The following PANX2 variants were observed in gnomAD, a reference collection of about 807,000 sequenced individuals.
PANX2 encodes pannexin-2.
A neutral mutation model predicts 38.7 loss-of-function variants in PANX2; 30 were observed. The ratio of observed to expected loss-of-function variants is 0.78; its 90% CI spans 0.58 to 1.05. The LOEUF is 1.05. Among genes scored for constraint, PANX2 ranks in the 50% least tolerant of loss-of-function variants. The pLI is 0.00. For synonymous variants in PANX2, 539 were observed against 472.1 expected, an observed-to-expected ratio of 1.14 and a Z score of -1.84; for missense variants, 880 against 979.3, an observed-to-expected ratio of 0.90 and a Z score of 1.35.
chr22:50,170,947 A>C lies in PANX2; in HGVS notation c.217A>C (p.Asn73His). Reference sequence around the variant, plus strand: ...GCTGGTCACCCTGGTCTTCACCAAGAACTTCGCAGGTGAGGCCGGCGGCCG... The same window carrying C: ...GCTGGTCACCCTGGTCTTCACCAAGCACTTCGCAGGTGAGGCCGGCGGCCG... ...ILLVTLVFTK[N>H]FAEEPIYCYT... The change falls in exon 1 of 3, where the codon AAC becomes CAC. Residue 73 changes from asparagine (N) to histidine (H), a missense_variant. This residue lies in a region of PANX2 where 243 missense variants were observed against 333.1 expected (regional missense o/e 0.73). Coordinates refer to ENST00000395842, the MANE Select transcript of PANX2 (RefSeq NM_052839.4). 1.3e-6 allele frequency: 2 copies of C among 1,506,952 alleles called. No homozygotes were observed. Among genetic ancestry groups the C allele is most frequent in the Non-Finnish European group, 1.8e-6 (2 of 1,125,028 alleles). 93.3% of individuals were successfully genotyped at this position (1,506,952 alleles called of 1,614,324 possible). A position where few individuals can be genotyped will look rare whatever the true frequency, so the allele number is the denominator to read the frequency against.
chr22:50,172,516 G>A (rs184396327), intron 1 of PANX2, among the ~76,000 whole-genome samples: 6 of 146,560 alleles, frequency 4.1e-5, no homozygotes, highest in East Asian at 4.2e-4. Flanking sequence ...TCCACCTCTC[G>A]GGCTCAGGTG....
At chr22:50,172,253 A>C (rs1054338382) in intron 1 of PANX2, among the ~76,000 whole-genome samples, 1 of 152,226 alleles carries the variant, frequency 6.6e-6, no homozygotes, top group East Asian at 1.9e-4. Flanking sequence ...TCCGGAGGCC[A>C]AAAGTCCAAA....
intron 1 of PANX2, among the ~76,000 whole-genome samples, chr22:50,173,166 G>A (rs534997252): frequency 1.2e-4 from 18 of 152,066 alleles, no homozygotes; most frequent in African/African-American, 4.4e-4. Flanking sequence ...AAAGTGCTGG[G>A]ATTACAGGCG....
chr22:50,170,815 G>A lies in PANX2; in HGVS notation c.85G>A (p.Ala29Thr). ...EKLRELILPG[A>T]QDDKAGALAA... ...GCTGCGGGAGCTGATCCTGCCGGGC[G>A]CGCAGGACGACAAGGCGGGCGCGCT... The change falls in exon 1 of 3, where the codon GCG becomes ACG. Residue 29 changes from alanine to threonine, a missense_variant. By Grantham distance (58) the Ala-to-Thr change is moderately conservative (BLOSUM62 0). This residue lies in a region of PANX2 where 243 missense variants were observed against 333.1 expected (regional missense o/e 0.73). Coordinates refer to ENST00000395842, the MANE Select transcript of PANX2 (RefSeq NM_052839.4). The A allele has an allele frequency of 2.7e-6, 4 of 1,473,046 alleles. No homozygotes were observed. The highest frequency in any genetic ancestry group is 1.3e-5 in the South Asian group (1 of 76,108). The allele number at this position is 1,473,046 out of a possible 1,614,324, so 91.2% of individuals were successfully genotyped here. A position where few individuals can be genotyped will look rare whatever the true frequency, so the allele number is the denominator to read the frequency against.
At chr22:50,176,444 T>C (rs114334367) in intron 1 of PANX2, among the ~76,000 whole-genome samples, 2,060 of 152,290 alleles carry the variant, frequency 0.014, 39 homozygotes, top group African/African-American at 0.047. Flanking sequence ...CCACCCTGCC[T>C]TCCCGGTGCT....
At chr22:50,173,148 G>T (rs577514983) in intron 1 of PANX2, among the ~76,000 whole-genome samples, 1 of 150,794 alleles carries the variant, frequency 6.6e-6, no homozygotes. Flanking sequence ...CGCCCACCTT[G>T]GCCTCCCAAA....
chr22:50,179,278 G>T lies in PANX2; in HGVS notation c.*1G>T. ...GGTCGTGAGTACTGTGGAGTTTTGA[G>T]GGATGGCACCGTCCAGGCCGCCGAG... On this transcript the variant is annotated 3_prime_UTR_variant, in exon 3 of 3. Coordinates refer to ENST00000395842, the MANE Select transcript of PANX2 (RefSeq NM_052839.4). The T allele has an allele frequency of 6.2e-7, 1 of 1,611,170 alleles. No homozygotes were observed.
At chr22:50,171,032 G>C in intron 1 of PANX2, 76 bp downstream of exon 1, 8 of 744,950 alleles carry the variant, frequency 1.1e-5, no homozygotes, top group Non-Finnish European at 1.6e-5. Flanking sequence ...CGCTTCCCGC[G>C]TCCCCGGCGG....
In PANX2 at chr22:50,177,122, T is replaced by C. The variant is rs984788807; in HGVS notation, c.410T>C (p.Val137Ala). Residue 137 changes from valine (V) to alanine (A), a missense_variant, in exon 2 of 3, where the codon GTG becomes GCG. By Grantham distance (64) the Val-to-Ala change is moderately conservative. Transcript: ENST00000395842. ...ALLAFAAIMY[V>A]PALGWEFLAS... ...CTGGCCTTCGCCGCCATCATGTACG[T>C]GCCCGCGCTGGGCTGGGAGTTCCTG... 1 of 1,609,152 alleles carries C rather than the reference T, an allele frequency of 6.2e-7. No individual in the cohort carries two copies. The highest frequency in any genetic ancestry group is 1.3e-5 in the African/African-American group (1 of 74,882).
intron 1 of PANX2, chr22:50,175,381 A>C: frequency 4.9e-5 from 48 of 988,608 alleles, no homozygotes; most frequent in Non-Finnish European, 6.3e-5. Flanking sequence ...GCTGCCAGGG[A>C]TGGGCCCAGC....
rs1426108802 is a variant in PANX2, at chr22:50,178,168, G to A, written c.1456G>A (p.Gly486Ser). Residue 486 changes from glycine (G) to serine (S), a missense_variant, in exon 2 of 3, where the codon GGC (glycine) becomes AGC (serine). Gly to Ser is a moderately conservative substitution (Grantham distance 56). Coordinates refer to ENST00000395842, the MANE Select transcript of PANX2 (RefSeq NM_052839.4). The stretch of plus-strand genomic sequence containing the variant: ...GGACCGCTCCGCCCACCACTACAAG[G>A]GCGGAGGGGGCGACCCGGGCCCCGG... The part of the protein sequence containing the change: ...LLDRSAHHYK[G>S]GGGDPGPGPA... 2.7e-6 allele frequency: 4 copies of A among 1,497,396 alleles called. No individual in the cohort carries two copies. The highest frequency in any genetic ancestry group is 3.5e-6 in the Non-Finnish European group (4 of 1,133,574). 92.8% of individuals were successfully genotyped at this position (1,497,396 alleles called of 1,614,324 possible).
In PANX2 at chr22:50,177,964, G is replaced by A. The variant is rs2063672600; in HGVS notation, c.1252G>A (p.Ala418Thr). 2 of 1,533,514 alleles carry A rather than the reference G, an allele frequency of 1.3e-6. No homozygotes were observed. The highest frequency in any genetic ancestry group is 1.4e-5 in the African/African-American group (1 of 72,506). The allele number at this position is 1,533,514 out of a possible 1,614,324, so 95.0% of individuals were successfully genotyped here. ...SANPAEPDGA[A>T]EPPVVKRPRK... ...CAACCCCGCCGAGCCCGACGGCGCC[G>A]CCGAGCCGCCCGTGGTCAAGCGGCC... Residue 418 changes from alanine (A) to threonine (T), a missense_variant, in exon 2 of 3, where the codon GCC (alanine) becomes ACC (threonine). Ala to Thr is a moderately conservative substitution (Grantham distance 58, BLOSUM62 0). Around this residue, in one of 4 missense-constraint regions of PANX2, gnomAD observed 445 missense variants for 404.3 expected, o/e 1.10. Coordinates refer to ENST00000395842, the MANE Select transcript of PANX2 (RefSeq NM_052839.4).
intron 1 of PANX2, among the ~76,000 whole-genome samples, chr22:50,175,145 G>A (rs897862849): frequency 1.3e-5 from 2 of 152,212 alleles, no homozygotes; most frequent in African/African-American, 4.8e-5. Context: ...TGACAGGCAT[G>A]AGGAGTTCGG....
intron 1 of PANX2, among the ~76,000 whole-genome samples, chr22:50,171,685 T>C (rs2063632946): frequency 6.6e-6 from 1 of 152,146 alleles, no homozygotes; most frequent in Non-Finnish European, 1.5e-5. Context: ...TGTGAGCCTC[T>C]GCGGGGTGGG....
intron 1 of PANX2, among the ~76,000 whole-genome samples, chr22:50,173,225 G>C (rs2063644094): frequency 6.6e-6 from 1 of 152,148 alleles, no homozygotes; most frequent in African/African-American, 2.4e-5. Context: ...TAGAGACGGG[G>C]TTTTGCCATG....
chr22:50,178,960 C>T lies in PANX2; in HGVS notation c.1717C>T (p.Pro573Ser), dbSNP rs1304962639. Residue 573 changes from proline (P) to serine (S), a missense_variant, in exon 3 of 3, where the codon CCG becomes TCG. Pro to Ser is a moderately conservative substitution (Grantham distance 74). Transcript: ENST00000395842. ...KDAPLPEKEI[P>S]YPTEPARAGL... Reference sequence around the variant, plus strand: ...TGCTCCGCTCCCCGAGAAGGAAATCCCGTACCCCACAGAGCCAGCCCGGGC... The same window carrying T: ...TGCTCCGCTCCCCGAGAAGGAAATCTCGTACCCCACAGAGCCAGCCCGGGC... 1.1e-5 allele frequency: 18 copies of T among 1,591,298 alleles called. No homozygotes were observed. The East Asian group carries it at 3.8e-4, about 34-fold the overall frequency.
chr22:50,176,780 G>T (rs918058823), intron 1 of PANX2, among the ~76,000 whole-genome samples, 159 bp from the exon 2 acceptor site: 10 of 152,190 alleles, frequency 6.6e-5, no homozygotes, highest in African/African-American at 2.4e-4. Flanking sequence ...GTGGGGGGAG[G>T]GGGTGGGGTT....
intron 1 of PANX2, among the ~76,000 whole-genome samples, chr22:50,172,695 GT>G: frequency 2.6e-5 from 4 of 151,026 alleles, no homozygotes; most frequent in Non-Finnish European, 5.9e-5. Flanking sequence ...GTGAGCCACT[GT>G]GCCCTTTTCT....
chr22:50,177,609 C>A lies in PANX2; in HGVS notation c.897C>A (p.Cys299Ter). The A allele has an allele frequency of 1.9e-6, 3 of 1,612,938 alleles. No homozygotes were observed. Among genetic ancestry groups the A allele is most frequent in the Non-Finnish European group, 8.5e-7 (1 of 1,179,976 alleles). Residue 299 changes from cysteine to a stop codon, truncating the protein, a stop_gained, in exon 2 of 3, where the codon TGC (cysteine) becomes TGA (stop). Coordinates refer to ENST00000395842, the MANE Select transcript of PANX2 (RefSeq NM_052839.4). LOFTEE classifies it high-confidence loss of function. ...CGGGCGTGGACATCGTGCTGCTGTG[C>A]GTCATGAACCTCATCATCCTCGTCA... The part of the protein sequence containing the change: ...IIAGVDIVLL[C>*]VMNLIILVNL...
Sources: allele counts gnomAD v4.1 joint callset (sites outside exome capture counted in the v4.1 genomes callset), GRCh38; gene constraint gnomAD v4.1.1; regional missense constraint gnomAD v4.1.1; transcripts MANE v1.5; gene names NCBI Gene and HGNC (gene_info 2026-07-23, HGNC 2026-07-21).